Variants in NCOA3 observed in about 807,000 individuals in gnomAD.
NCOA3 encodes nuclear receptor coactivator 3.
A neutral mutation model predicts 158.8 loss-of-function variants in NCOA3; 51 were observed. The ratio of observed to expected loss-of-function variants is 0.32; its 90% CI spans 0.26 to 0.41. The LOEUF is 0.41. NCOA3 is among the 10% of genes least tolerant of loss of function. The probability of loss-of-function intolerance (pLI) is 1.00; values close to 1 mark genes in which losing one functional copy is unlikely to be tolerated. For missense variants in NCOA3, 1,510 were observed against 1,746.6 expected, an observed-to-expected ratio of 0.86 and a Z score of 2.41; for synonymous variants, 537 against 592.4, an observed-to-expected ratio of 0.91 and a Z score of 1.36.
chr20:47,608,527 T>G (rs1602478939), intron 2 of NCOA3, among the ~76,000 whole-genome samples: 2 of 150,198 alleles, frequency 1.3e-5, no homozygotes, highest in South Asian at 4.2e-4. Context: ...TGGTTCCAGC[T>G]ACTCGGGAGG....
At chr20:47,627,452 A>G (rs1045507935) in intron 6 of NCOA3, 109 bp from the exon 7 acceptor site, 12 of 861,254 alleles carry the variant, frequency 1.4e-5, no homozygotes, top group African/African-American at 5.1e-5. Flanking sequence ...TAGTATAGAT[A>G]TAACTATGGA....
intron 1 of NCOA3, among the ~76,000 whole-genome samples, chr20:47,555,809 T>G (rs903642202): frequency 1.3e-5 from 2 of 151,022 alleles, no homozygotes; most frequent in Non-Finnish European, 3.0e-5. Flanking sequence ...CGGCTGATTT[T>G]TTTTTTGTAT....
intron 1 of NCOA3, among the ~76,000 whole-genome samples, chr20:47,552,377 T>C (rs1602390232): frequency 1.3e-5 from 2 of 152,246 alleles, no homozygotes; most frequent in South Asian, 4.1e-4. Context: ...ACTGTGGTTA[T>C]GTTTGAAGAT....
chr20:47,504,005 G>A (rs1017807948), intron 1 of NCOA3, among the ~76,000 whole-genome samples: 2 of 152,096 alleles, frequency 1.3e-5, no homozygotes, highest in African/African-American at 2.4e-5. Flanking sequence ...TAAGCGGGAG[G>A]CTGTAATATT....
intron 2 of NCOA3, among the ~76,000 whole-genome samples, chr20:47,600,024 C>CT (rs2085831235): frequency 6.6e-6 from 1 of 151,444 alleles, no homozygotes; most frequent in Non-Finnish European, 1.5e-5. Flanking sequence ...CTGTTTAGGA[C>CT]TAGTTAGTTA....
intron 16 of NCOA3, among the ~76,000 whole-genome samples, 158 bp from the exon 17 acceptor site, chr20:47,642,055 A>C (rs372001827): frequency 5.9e-5 from 9 of 152,114 alleles, no homozygotes; most frequent in East Asian, 3.8e-4. Flanking sequence ...CTTAAACTTA[A>C]ATTGATGCCA....
chr20:47,613,624 A>C (rs1417981518), intron 2 of NCOA3, among the ~76,000 whole-genome samples: 2 of 152,170 alleles, frequency 1.3e-5, no homozygotes, highest in African/African-American at 4.8e-5. Context: ...AGAAAAATAA[A>C]TAAGTAGGCC....
intron 1 of NCOA3, 127 bp downstream of exon 1, chr20:47,502,146 C>T (rs575033690): frequency 1.2e-4 from 48 of 397,304 alleles, no homozygotes; most frequent in Non-Finnish European, 1.0e-4. Flanking sequence ...CTGAGGGGCG[C>T]GCCGGCCGGG....
intron 1 of NCOA3, among the ~76,000 whole-genome samples, chr20:47,503,290 A>G (rs1159745262): frequency 6.6e-6 from 1 of 152,232 alleles, no homozygotes; most frequent in Non-Finnish European, 1.5e-5. Flanking sequence ...TCTTCAGCGA[A>G]TGCTGCACAA....
At chr20:47,555,677 C>T (rs1228935113) in intron 1 of NCOA3, among the ~76,000 whole-genome samples, 2 of 125,682 alleles carry the variant, frequency 1.6e-5, no homozygotes, top group African/African-American at 3.1e-5. Context: ...CTCGCCCTGT[C>T]GCCCAGGCTG....
At chr20:47,523,079 C>T (rs199645241) in intron 1 of NCOA3, among the ~76,000 whole-genome samples, 2 of 151,282 alleles carry the variant, frequency 1.3e-5, no homozygotes, top group South Asian at 2.1e-4. Flanking sequence ...CCAGCTACTC[C>T]GGAGGCTGAG....
chr20:47,582,189 CTTTTA>C (rs1235876471), intron 1 of NCOA3, among the ~76,000 whole-genome samples: 14 of 150,272 alleles, frequency 9.3e-5, no homozygotes, highest in East Asian at 1.9e-4. Context: ...CTATGCCTGA[CTTTTA>C]TTTTAATTAA....
chr20:47,646,137 C>T (rs1257710982), intron 17 of NCOA3, among the ~76,000 whole-genome samples: 2 of 152,138 alleles, frequency 1.3e-5, no homozygotes, highest in African/African-American at 2.4e-5. Context: ...TTGCATATAG[C>T]CTATGCACAT....
intron 1 of NCOA3, among the ~76,000 whole-genome samples, chr20:47,511,524 GATATATATATATATATATAT>G (rs34123990): frequency 3.6e-4 from 8 of 22,020 alleles, no homozygotes; most frequent in Admixed American, 9.3e-4. Context: ...TCTCTCTCGA[GATATATATATATATATATAT>G]ATATATATAT....
chr20:47,537,291 T>C (rs1204815236), intron 1 of NCOA3, among the ~76,000 whole-genome samples: 10 of 152,194 alleles, frequency 6.6e-5, no homozygotes, highest in Non-Finnish European at 1.5e-4. Context: ...TCTTTACTTG[T>C]AGCGTTGTAA....
At chr20:47,551,275 C>T (rs1465932799) in intron 1 of NCOA3, among the ~76,000 whole-genome samples, 1 of 151,914 alleles carries the variant, frequency 6.6e-6, no homozygotes, top group African/African-American at 2.4e-5. Flanking sequence ...GTTCTGGGGC[C>T]CATAGTTTTT....
intron 1 of NCOA3, among the ~76,000 whole-genome samples, chr20:47,559,101 A>G (rs1274989414): frequency 1.3e-5 from 2 of 152,078 alleles, no homozygotes; most frequent in African/African-American, 4.8e-5. Flanking sequence ...TGAGCCTTAA[A>G]GGTCCTTATG....
chr20:47,615,413 T>C (rs1333307424), intron 2 of NCOA3, among the ~76,000 whole-genome samples: 1 of 152,228 alleles, frequency 6.6e-6, no homozygotes, highest in Middle Eastern at 3.2e-3. Flanking sequence ...CTTTTCCTTT[T>C]GGACAGGGCG....
At chr20:47,520,490 T>G (rs1164920666) in intron 1 of NCOA3, among the ~76,000 whole-genome samples, 1 of 152,184 alleles carries the variant, frequency 6.6e-6, no homozygotes, top group African/African-American at 2.4e-5. Flanking sequence ...CTGAATATTT[T>G]CCTTACTACC....
Sources: allele counts gnomAD v4.1 joint callset (sites outside exome capture counted in the v4.1 genomes callset), GRCh38; gene constraint gnomAD v4.1.1; transcripts MANE v1.5; gene names NCBI Gene and HGNC (gene_info 2026-07-23, HGNC 2026-07-21).